SULT1C3: variants seen among roughly 807,000 people sequenced by gnomAD.
The protein encoded by SULT1C3 is sulfotransferase 1C3.
A neutral mutation model predicts 28.4 loss-of-function variants in SULT1C3; 31 were observed. The ratio of observed to expected loss-of-function variants is 1.09; its 90% CI spans 0.82 to 1.47. The LOEUF is 1.47. Among genes scored for constraint, SULT1C3 ranks in the 40% most tolerant of loss-of-function variants. SULT1C3 has a pLI of 0.00. For synonymous variants in SULT1C3, 106 were observed against 92.2 expected (o/e 1.15, Z -0.86); for missense variants, 307 against 272.5 (o/e 1.13, Z -0.89).
At position 108,247,183 on chromosome 2, in the gene SULT1C3, C is replaced by A; in HGVS notation, c.-7-5C>A. 6.6e-7 allele frequency: 1 copy of A among 1,507,136 alleles called. No individual in the cohort carries two copies. The highest frequency in any genetic ancestry group is 1.4e-5 in the South Asian group (1 of 71,738). The allele number at this position is 1,507,136 out of a possible 1,614,324, so 93.4% of individuals were successfully genotyped here. A position where few individuals can be genotyped will look rare whatever the true frequency, so the allele number is the denominator to read the frequency against. ...TTTAATTAGTATTGATCTTACCCAT[C>A]CCAGATTCCCAATGGCGAAGATTGA... On this transcript the variant is annotated splice_region_variant and splice_polypyrimidine_tract_variant and intron_variant, in intron 1 of 7. Transcript: ENST00000681802.
chr2:108,243,233 C>T (rs573169859), intron 1 of SULT1C3, among the ~76,000 whole-genome samples: 4 of 152,254 alleles, frequency 2.6e-5, no homozygotes, highest in Admixed American at 6.5e-5. Context: ...TTCCAGCGCC[C>T]GAGCTGTCCT....
Position 108,259,143 on chromosome 2 carries a change from A to G in SULT1C3, c.799A>G (p.Lys267Glu), listed in dbSNP as rs1675953251. Reference sequence around the variant, plus strand: ...TCACTCCATCTCAAAATTTATGAGGAAAGGTTGGTGGCATTTCTTTTCCTT... The same window carrying G: ...TCACTCCATCTCAAAATTTATGAGGGAAGGTTGGTGGCATTTCTTTTCCTT... ...FNHSISKFMRKGMPGDWKNHF... is the reference protein window; with the variant it reads ...FNHSISKFMREGMPGDWKNHF... The change falls in exon 7 of 8, where the codon AAA (lysine) becomes GAA (glutamate). Residue 267 changes from lysine (K) to glutamate (E), a missense_variant. By Grantham distance (56) the Lys-to-Glu change is moderately conservative (BLOSUM62 1). Transcript: ENST00000681802. The G allele has an allele frequency of 2.5e-6, 1 of 395,656 alleles. No individual in the cohort carries two copies. 24.5% of individuals were successfully genotyped at this position (395,656 alleles called of 1,614,324 possible). A position where few individuals can be genotyped will look rare whatever the true frequency, so the allele number is the denominator to read the frequency against.
chr2:108,262,398 T>C (rs960891023), downstream of SULT1C3, among the ~76,000 whole-genome samples: 1 of 152,184 alleles, frequency 6.6e-6, no homozygotes, highest in African/African-American at 2.4e-5. Flanking sequence ...AATAAAGACA[T>C]TTCCTGTACT....
At chr2:108,247,507 A>T (rs762411158) in intron 2 of SULT1C3, 141 bp downstream of exon 2, 2 of 777,210 alleles carry the variant, frequency 2.6e-6, no homozygotes, top group African/African-American at 3.6e-5. Flanking sequence ...GCTGCAGGAC[A>T]TTTAGCATTC....
chr2:108,252,343 G>C (rs528555438), intron 2 of SULT1C3, 22 bp from the exon 3 acceptor site: 1 of 1,584,332 alleles, frequency 6.3e-7, no homozygotes, highest in Admixed American at 1.8e-5. Flanking sequence ...TAAAATTAAA[G>C]AACTATTTCA....
intron 7 of SULT1C3, 90 bp from the exon 8 acceptor site, chr2:108,260,478 T>G: frequency 2.5e-5 from 9 of 359,200 alleles, no homozygotes; most frequent in Middle Eastern, 5.9e-4. Context: ...CATGGGAAAA[T>G]CACGTGGGTA....
chr2:108,247,069 G>A, intron 1 of SULT1C3, 119 bp from the exon 2 acceptor site: 1 of 687,800 alleles, frequency 1.5e-6, no homozygotes, highest in Non-Finnish European at 2.1e-6. Context: ...CATGTTATAT[G>A]TTAGCTTTCA....
intron 1 of SULT1C3, among the ~76,000 whole-genome samples, chr2:108,245,054 TC>T (rs1336571356): frequency 6.6e-6 from 1 of 152,160 alleles, no homozygotes; most frequent in African/African-American, 2.4e-5. Flanking sequence ...CCTTTTAGTC[TC>T]CTTCCTTTCG....
intron 3 of SULT1C3, among the ~76,000 whole-genome samples, 198 bp downstream of exon 3, chr2:108,252,691 C>T (rs1675762566): frequency 6.6e-6 from 1 of 151,982 alleles, no homozygotes; most frequent in Admixed American, 6.6e-5. Context: ...GCCTTTATCT[C>T]CCCAATAAGA....
At chr2:108,247,164 TA>T in intron 1 of SULT1C3, 23 bp from the exon 2 acceptor site, 3 of 1,405,354 alleles carry the variant, frequency 2.1e-6, no homozygotes, top group Non-Finnish European at 2.8e-6. Flanking sequence ...AAATTTTAAT[TA>T]GTATTGATCT....
intron 5 of SULT1C3, 40 bp downstream of exon 5, chr2:108,255,738 G>A (rs1675852888): frequency 1.3e-6 from 2 of 1,595,022 alleles, no homozygotes; most frequent in African/African-American, 2.7e-5. Context: ...TCTTTCAGGT[G>A]ACTCTAACAA....
intron 2 of SULT1C3, among the ~76,000 whole-genome samples, chr2:108,249,967 A>G (rs1675688689): frequency 6.6e-6 from 1 of 152,084 alleles, no homozygotes; most frequent in African/African-American, 2.4e-5. Flanking sequence ...TTAAATCTCT[A>G]AAACTATGGA....
chr2:108,240,830 T>G (rs906269378), intron 1 of SULT1C3, among the ~76,000 whole-genome samples: 5 of 152,362 alleles, frequency 3.3e-5, no homozygotes, highest in African/African-American at 9.6e-5. Flanking sequence ...AAACAAATTA[T>G]GATAAGACCA....
intron 4 of SULT1C3, among the ~76,000 whole-genome samples, chr2:108,254,279 A>G (rs954699196): frequency 6.6e-6 from 1 of 151,862 alleles, no homozygotes; most frequent in African/African-American, 2.4e-5. Context: ...CCTTTCACAC[A>G]TGGAGCATCC....
intron 3 of SULT1C3, among the ~76,000 whole-genome samples, chr2:108,253,106 G>C (rs1642483606): frequency 6.6e-6 from 1 of 152,062 alleles, no homozygotes; most frequent in African/African-American, 2.4e-5. Context: ...AATTAATCGA[G>C]GGTGAAAAAG....
At chr2:108,243,707 C>A (rs1346048050) in intron 1 of SULT1C3, among the ~76,000 whole-genome samples, 1 of 152,064 alleles carries the variant, frequency 6.6e-6, no homozygotes, top group Non-Finnish European at 1.5e-5. Context: ...TTGAAACCAT[C>A]CCTTAGGAGT....
downstream of SULT1C3, among the ~76,000 whole-genome samples, chr2:108,262,373 C>T (rs1437403443): frequency 6.6e-6 from 1 of 152,140 alleles, no homozygotes; most frequent in East Asian, 1.9e-4. Flanking sequence ...AATTGAAAAG[C>T]AATTGAATGC....
At chr2:108,251,768 C>T (rs183814030) in intron 2 of SULT1C3, among the ~76,000 whole-genome samples, 3 of 151,780 alleles carry the variant, frequency 2.0e-5, no homozygotes, top group African/African-American at 4.8e-5. Flanking sequence ...TAAGCTGAGA[C>T]AAAAAGGATA....
At chr2:108,241,155 C>T (rs1462177875) in intron 1 of SULT1C3, among the ~76,000 whole-genome samples, 1 of 152,124 alleles carries the variant, frequency 6.6e-6, no homozygotes, top group Non-Finnish European at 1.5e-5. Context: ...ATGAGGCCAG[C>T]TCTCCCCAAG....
Sources: gnomAD v4.1 joint callset for allele counts (sites outside exome capture counted in the v4.1 genomes callset) on GRCh38, gnomAD v4.1.1 for gene constraint, MANE v1.5 for transcripts, NCBI Gene and HGNC (gene_info 2026-07-23, HGNC 2026-07-21) for gene names.